Variants in IQSEC2 observed in about 807,000 individuals in gnomAD.
IQSEC2 encodes IQ motif and SEC7 domain-containing protein 2.
Under a neutral mutation model 74.6 loss-of-function variants are expected in IQSEC2, and 6 were observed. The observed-to-expected ratio is 0.08, with a 90% confidence interval of 0.04 to 0.16. The LOEUF is 0.16. IQSEC2 is among the 10% of genes least tolerant of loss of function. The probability of loss-of-function intolerance (pLI) is 1.00; values close to 1 mark genes in which losing one functional copy is unlikely to be tolerated. For synonymous variants in IQSEC2, 494 were observed against 544.5 expected (o/e 0.91, Z 1.29); for missense variants, 734 against 1,306.2 (o/e 0.56, Z 6.75).
chrX:53,317,036 A>G (rs868929483), intron 1 of IQSEC2, among the ~76,000 whole-genome samples: 1 of 110,522 alleles, frequency 9.0e-6, no homozygotes, highest in African/African-American at 3.3e-5. Flanking sequence ...GCAGCTCTTC[A>G]GCGTGGAGCA....
chrX:53,292,069 G>T lies in IQSEC2; in HGVS notation c.708-145C>A, dbSNP rs1304254608. On this transcript the variant is annotated intron_variant, in intron 1 of 14. Transcript: ENST00000642864. ...GAAGGGTTATTTCATGCGGAGAGAA[G>T]AGAATAGCAAGTGCAAGGCCGAGAG... is the stretch of plus-strand genomic sequence containing the variant. The T allele has an allele frequency of 1.4e-5, 7 of 484,612 alleles. No homozygotes were observed. In the East Asian group the frequency reaches 2.7e-4, roughly 19 times the overall value. The allele number at this position is 484,612 out of a possible 1,213,427, so 39.9% of individuals were successfully genotyped here. A position where few individuals can be genotyped will look rare whatever the true frequency, so the allele number is the denominator to read the frequency against.
At chrX:53,248,339 C>G (rs2074338282) in intron 6 of IQSEC2, 103 bp from the exon 7 acceptor site, 1 of 1,017,944 alleles carries the variant, frequency 9.8e-7, no homozygotes, top group African/African-American at 1.9e-5. Flanking sequence ...CTGATAGACT[C>G]TCAAATTCAG....
chrX:53,313,797 A>C (rs1556878487), intron 1 of IQSEC2, among the ~76,000 whole-genome samples: 1 of 111,979 alleles, frequency 8.9e-6, no homozygotes, highest in East Asian at 2.8e-4. Context: ...AAGACTTGGC[A>C]TCGAGGGTCA....
At chrX:53,230,478 T>C (rs2074059761), downstream of IQSEC2, 1 of 113,145 alleles carries the variant, frequency 8.8e-6, no homozygotes, top group African/African-American at 3.2e-5. Flanking sequence ...GGCTAGTGGT[T>C]ACCGTACTGA....
chrX:53,238,410 C>G (rs782501706), intron 11 of IQSEC2, 104 bp from the exon 12 acceptor site: 63 of 788,592 alleles, frequency 8.0e-5, no homozygotes, highest in Non-Finnish European at 9.8e-5. Context: ...GAGACAACAT[C>G]TCTCTGTCAC....
intron 1 of IQSEC2, among the ~76,000 whole-genome samples, chrX:53,311,614 C>T (rs1176295469): frequency 1.8e-5 from 2 of 111,846 alleles, no homozygotes; most frequent in Non-Finnish European, 3.8e-5. Context: ...GCACCTCTCC[C>T]CCAGTTTAAA....
chrX:53,283,040 A>G (rs2074990212), intron 2 of IQSEC2, among the ~76,000 whole-genome samples: 1 of 110,798 alleles, frequency 9.0e-6, no homozygotes, highest in African/African-American at 3.3e-5. Flanking sequence ...ACATGGCAAA[A>G]CCCTGTCTTT....
At chrX:53,276,624 G>A (rs2074838216) in intron 2 of IQSEC2, among the ~76,000 whole-genome samples, 1 of 111,808 alleles carries the variant, frequency 8.9e-6, no homozygotes, top group South Asian at 3.7e-4. Context: ...TTTTGTTCCT[G>A]AATTCAATGG....
chrX:53,315,595 T>C (rs1406701365), intron 1 of IQSEC2, among the ~76,000 whole-genome samples: 1 of 110,620 alleles, frequency 9.0e-6, no homozygotes, highest in African/African-American at 3.3e-5. Context: ...TCCTCATCTG[T>C]AAAATGGAGT....
intron 2 of IQSEC2, among the ~76,000 whole-genome samples, chrX:53,273,655 T>C (rs1436159107): frequency 8.9e-6 from 1 of 112,247 alleles, no homozygotes; most frequent in Non-Finnish European, 1.9e-5. Flanking sequence ...ACTGTTGTTA[T>C]GGGGGTTTTC....
intron 1 of IQSEC2, among the ~76,000 whole-genome samples, chrX:53,315,022 T>G (rs1225638807): frequency 8.9e-6 from 1 of 111,797 alleles, no homozygotes; most frequent in Non-Finnish European, 1.9e-5. Flanking sequence ...GCCAGACAGT[T>G]CTGGGCTCCA....
At chrX:53,319,025 G>T (rs1016402930) in intron 1 of IQSEC2, among the ~76,000 whole-genome samples, 2 of 112,912 alleles carry the variant, frequency 1.8e-5, no homozygotes, top group African/African-American at 6.4e-5. Context: ...TCAGCTTAGG[G>T]TGTGCTGCAG....
At chrX:53,264,593 C>T in intron 2 of IQSEC2, among the ~76,000 whole-genome samples, 1 of 109,387 alleles carries the variant, frequency 9.1e-6, no homozygotes, top group Non-Finnish European at 1.9e-5. Flanking sequence ...CCCTGCATGA[C>T]CCTGGAGCGC....
chrX:53,260,557 C>T (rs1431422706), intron 2 of IQSEC2, among the ~76,000 whole-genome samples: 1 of 111,434 alleles, frequency 9.0e-6, no homozygotes, highest in Non-Finnish European at 1.9e-5. Flanking sequence ...GCTCTCCTGA[C>T]TTGACCCCCA....
chrX:53,242,032 G>T, intron 9 of IQSEC2, 123 bp from the exon 10 acceptor site: 1 of 860,371 alleles, frequency 1.2e-6, no homozygotes, highest in Non-Finnish European at 1.7e-6. Flanking sequence ...CTGACACAAG[G>T]GGTATCAGCA....
At position 53,312,784 on chromosome X, in the gene IQSEC2, C is replaced by T. The variant is rs191755906; in HGVS notation, c.707+7633G>A. On this transcript the variant is annotated intron_variant, in intron 1 of 14. Coordinates refer to ENST00000642864, the MANE Select transcript of IQSEC2 (RefSeq NM_001111125.3). ...AAGAGCCAAGTTAGGTACTTTTCAT[C>T]ACAGATATAATGACAATAATTCTAA... Among the ~76,000 whole-genome samples the T allele has an allele frequency of 1.9e-4, 21 of 112,003 alleles. 1 individual carries two copies. In the East Asian group the frequency reaches 5.0e-3, roughly 27 times the overall value.
intron 2 of IQSEC2, among the ~76,000 whole-genome samples, chrX:53,289,694 C>T (rs901698449): frequency 1.2e-4 from 13 of 111,450 alleles, no homozygotes; most frequent in Non-Finnish European, 2.4e-4. Flanking sequence ...CCCATACACG[C>T]CATGCTTTAG....
intron 1 of IQSEC2, among the ~76,000 whole-genome samples, chrX:53,308,988 TAA>T (rs2075294884): frequency 9.3e-6 from 1 of 107,713 alleles, no homozygotes; most frequent in Non-Finnish European, 1.9e-5. Flanking sequence ...CCTGTGGTCC[TAA>T]CTACTCAGGA....
chrX:53,272,123 T>G (rs1716532699), intron 2 of IQSEC2, among the ~76,000 whole-genome samples: 1 of 110,396 alleles, frequency 9.1e-6, no homozygotes, highest in Admixed American at 9.7e-5. Context: ...TTACTTAACC[T>G]TTAAGACCCA....
Sources: gnomAD v4.1 joint callset for allele counts (sites outside exome capture counted in the v4.1 genomes callset) on GRCh38, gnomAD v4.1.1 for gene constraint, MANE v1.5 for transcripts, NCBI Gene and HGNC (gene_info 2026-07-23, HGNC 2026-07-21) for gene names.